TENT4B: variants seen among roughly 807,000 people sequenced by gnomAD.
The protein encoded by TENT4B is PAP associated domain containing 5.
TENT4B carries 10 observed loss-of-function variants against 75.0 expected under a neutral mutation model. The ratio of observed to expected loss-of-function variants is 0.13; its 90% confidence interval spans 0.08 to 0.23. TENT4B has a LOEUF of 0.23. Ranked by LOEUF, TENT4B falls within the 10% of genes least tolerant of loss-of-function variation. TENT4B has a pLI of 1.00. For synonymous variants in TENT4B, 350 were observed against 357.7 expected (o/e 0.98, Z 0.24); for missense variants, 579 against 893.8 (o/e 0.65, Z 4.49).
At chr16:50,162,986 T>C (rs1310933765) in intron 1 of TENT4B, among the ~76,000 whole-genome samples, 1 of 152,212 alleles carries the variant, frequency 6.6e-6, no homozygotes, top group African/African-American at 2.4e-5. Context: ...CTTTAGACTC[T>C]ATAGAATAGA....
chr16:50,191,615 A>C (rs967544279), intron 1 of TENT4B, among the ~76,000 whole-genome samples: 5 of 152,124 alleles, frequency 3.3e-5, no homozygotes, highest in Non-Finnish European at 7.4e-5. Flanking sequence ...GCTAACACCA[A>C]GCCTTTAAAA....
At chr16:50,220,975 AAGAGT>A (rs2031800583) in intron 5 of TENT4B, among the ~76,000 whole-genome samples, 1 of 152,166 alleles carries the variant, frequency 6.6e-6, no homozygotes, top group Admixed American at 6.5e-5. Context: ...AAACAGAGAT[AAGAGT>A]AAAGAAAAAA....
At chr16:50,173,015 A>G (rs2038235671) in intron 1 of TENT4B, among the ~76,000 whole-genome samples, 1 of 151,896 alleles carries the variant, frequency 6.6e-6, no homozygotes, top group Non-Finnish European at 1.5e-5. Flanking sequence ...ATCTTGGCTC[A>G]CTGCAAACTC....
intron 1 of TENT4B, among the ~76,000 whole-genome samples, 181 bp downstream of exon 1, chr16:50,154,440 G>A (rs1252181772): frequency 6.6e-6 from 1 of 150,974 alleles, no homozygotes; most frequent in Admixed American, 6.6e-5. Flanking sequence ...CTTTCCCCAA[G>A]CCTCCTTAGC....
At chr16:50,202,879 G>A (rs2030734863) in intron 1 of TENT4B, among the ~76,000 whole-genome samples, 1 of 152,168 alleles carries the variant, frequency 6.6e-6, no homozygotes, top group Non-Finnish European at 1.5e-5. Context: ...GGACCAAGAG[G>A]AAATCAACTG....
In TENT4B at chr16:50,235,204, T is replaced by G. The variant is rs867924296; in HGVS notation, c.*5876T>G. The G allele has an allele frequency of 1.9e-4, 49 of 256,412 alleles. No individual in the cohort carries two copies. The highest frequency in any genetic ancestry group is 1.4e-3 in the Admixed American group (21 of 15,410). 15.9% of individuals were successfully genotyped at this position (256,412 alleles called of 1,614,324 possible). On this transcript the variant is annotated 3_prime_UTR_variant, in exon 12 of 12. Coordinates refer to ENST00000561678, the MANE Select transcript of TENT4B (RefSeq NM_001365324.3). ...ATGTCAATTATTTGCCTTGGAAATT[T>G]TATAAATTGCATTTCTATGCACATC...
chr16:50,163,027 A>C (rs912184742), intron 1 of TENT4B, among the ~76,000 whole-genome samples: 5 of 152,122 alleles, frequency 3.3e-5, no homozygotes, highest in Non-Finnish European at 7.3e-5. Context: ...CCTAGAATAA[A>C]TTGTTTTATC....
intron 1 of TENT4B, among the ~76,000 whole-genome samples, chr16:50,194,159 T>G (rs1321483115): frequency 6.6e-6 from 1 of 152,176 alleles, no homozygotes; most frequent in African/African-American, 2.4e-5. Flanking sequence ...TTTTTCTCTT[T>G]TGAGATAGTA....
rs1307472626 is a variant in TENT4B, at chr16:50,233,237, T to C, written c.*3909T>C. ...GCATTAAAGTGGGAACAAAGATTTA[T>C]ATATGAAATTCCTTAAAAGAGTTCA... On this transcript the variant is annotated 3_prime_UTR_variant, in exon 12 of 12. Coordinates refer to ENST00000561678, the MANE Select transcript of TENT4B (RefSeq NM_001365324.3). 1.0e-6 allele frequency: 1 copy of C among 985,178 alleles called. No homozygotes were observed. The highest frequency in any genetic ancestry group is 1.2e-6 in the Non-Finnish European group (1 of 829,782). 61.0% of individuals were successfully genotyped at this position (985,178 alleles called of 1,614,324 possible).
At position 50,230,207 on chromosome 16, in the gene TENT4B, A is replaced by G. The variant is rs865999498; in HGVS notation, c.*879A>G. ...GAGAATTAACTTGCAACTGTTTTCTATAGTGCTGTCGTCTTGGGCAATGGG... is the reference window on the plus strand; with the variant it reads ...GAGAATTAACTTGCAACTGTTTTCTGTAGTGCTGTCGTCTTGGGCAATGGG... On this transcript the variant is annotated 3_prime_UTR_variant, in exon 12 of 12. Coordinates refer to ENST00000561678, the MANE Select transcript of TENT4B (RefSeq NM_001365324.3). 73 of 981,948 alleles carry G rather than the reference A, an allele frequency of 7.4e-5. No individual in the cohort carries two copies. The highest frequency in any genetic ancestry group is 5.3e-4 in the Middle Eastern group (1 of 1,902). 60.8% of individuals were successfully genotyped at this position (981,948 alleles called of 1,614,324 possible). A position where few individuals can be genotyped will look rare whatever the true frequency, so the allele number is the denominator to read the frequency against.
intron 1 of TENT4B, among the ~76,000 whole-genome samples, chr16:50,159,474 A>G (rs2037963663): frequency 2.0e-5 from 3 of 152,104 alleles, no homozygotes; most frequent in Non-Finnish European, 4.4e-5. Context: ...TCCCAACATC[A>G]GGTGATCTAC....
At chr16:50,177,303 C>G (rs191837350) in intron 1 of TENT4B, among the ~76,000 whole-genome samples, 18 of 152,060 alleles carry the variant, frequency 1.2e-4, no homozygotes, top group Admixed American at 1.0e-3. Flanking sequence ...GTGCCTGGCC[C>G]GAGATAATAT....
At position 50,153,794 on chromosome 16, in the gene TENT4B, C is replaced by CCACCGGCGGGAGCGGCAGCAG; in HGVS notation, c.181_201dup (p.Gly61_Gly67dup). ...GGCAGCAGCAGCAGCAGCAGCACGG[C>CCACCGGCGGGAGCGGCAGCAG]CACCGGCGGGAGCGGCAGCAGCACC... On this transcript the variant is annotated inframe_insertion, in exon 1 of 12. Transcript: ENST00000561678. 1 of 1,196,386 alleles carries CCACCGGCGGGAGCGGCAGCAG rather than the reference C, an allele frequency of 8.4e-7. No homozygotes were observed. Among genetic ancestry groups the CCACCGGCGGGAGCGGCAGCAG allele is most frequent in the Non-Finnish European group, 1.0e-6 (1 of 966,624 alleles). 74.1% of individuals were successfully genotyped at this position (1,196,386 alleles called of 1,614,324 possible).
At chr16:50,226,394 T>A (rs2032055580) in intron 10 of TENT4B, among the ~76,000 whole-genome samples, 2 of 151,988 alleles carry the variant, frequency 1.3e-5, no homozygotes, top group Non-Finnish European at 2.9e-5. Context: ...TTTCACTCAA[T>A]TTTTTTTCAG....
intron 4 of TENT4B, among the ~76,000 whole-genome samples, chr16:50,217,353 A>G (rs1293942999): frequency 6.6e-6 from 1 of 152,220 alleles, no homozygotes; most frequent in Non-Finnish European, 1.5e-5. Flanking sequence ...ACTGTAATAT[A>G]CTGTATGGGA....
At chr16:50,181,010 C>T (rs568624635) in intron 1 of TENT4B, among the ~76,000 whole-genome samples, 2 of 152,312 alleles carry the variant, frequency 1.3e-5, no homozygotes, top group South Asian at 4.1e-4. Context: ...TAAACAACTA[C>T]AAAATAGTTA....
chr16:50,183,685 T>G (rs1200572947), intron 1 of TENT4B, among the ~76,000 whole-genome samples: 1 of 152,102 alleles, frequency 6.6e-6, no homozygotes, highest in African/African-American at 2.4e-5. Context: ...CTCGATAAGT[T>G]GAGAGATTTA....
At chr16:50,226,360 G>A (rs952368319) in intron 10 of TENT4B, among the ~76,000 whole-genome samples, 1 of 152,118 alleles carries the variant, frequency 6.6e-6, no homozygotes, top group Non-Finnish European at 1.5e-5. Flanking sequence ...GAACCACATA[G>A]AATATAGTCT....
intron 1 of TENT4B, among the ~76,000 whole-genome samples, chr16:50,206,805 A>C (rs1023154088): frequency 2.0e-5 from 3 of 152,160 alleles, no homozygotes; most frequent in Admixed American, 1.3e-4. Flanking sequence ...TTTCCAGCCA[A>C]AGATCTTGAA....
Sources: gnomAD v4.1 joint callset for allele counts (sites outside exome capture counted in the v4.1 genomes callset) on GRCh38, gnomAD v4.1.1 for gene constraint, MANE v1.5 for transcripts, NCBI Gene and HGNC (gene_info 2026-07-23, HGNC 2026-07-21) for gene names.